PACRG: variants seen among roughly 807,000 people sequenced by gnomAD.
The protein encoded by PACRG is parkin coregulated gene protein.
PACRG carries 29 observed loss-of-function variants against 29.7 expected under a neutral mutation model. The ratio of observed to expected loss-of-function variants is 0.98; its 90% confidence interval spans 0.73 to 1.33. The LOEUF (loss-of-function observed/expected upper bound fraction) is 1.33, where lower values mean the gene tolerates loss of function less well. Ranked by LOEUF, PACRG falls within the 40% of genes most tolerant of loss-of-function variation. The pLI is 0.00. For missense variants in PACRG, 279 were observed against 316.2 expected (o/e 0.88, Z 0.89); for synonymous variants, 116 against 118.7 (o/e 0.98, Z 0.15).
chr6:163,198,399 C>T (rs1288163969), intron 4 of PACRG, among the ~76,000 whole-genome samples: 1 of 152,186 alleles, frequency 6.6e-6, no homozygotes, highest in Non-Finnish European at 1.5e-5. Context: ...GCACCATCTC[C>T]ATACTGCTTA....
At position 163,304,775 on chromosome 6, in the gene PACRG, G is replaced by C. The variant is rs115652686; in HGVS notation, c.614-10052G>C. The stretch of plus-strand genomic sequence containing the variant: ...GAAATCCAGCCTGAGTGAAGCAGGA[G>C]GTCCCACTGTGGAGGAGAATGCAAG... On this transcript the variant is annotated intron_variant, in intron 4 of 4. Transcript: ENST00000366888. Among the ~76,000 whole-genome samples, 304 of 152,328 alleles carry C rather than the reference G, an allele frequency of 2.0e-3. 2 individuals are homozygous for C. The highest frequency in any genetic ancestry group is 7.1e-3 in the African/African-American group (294 of 41,576).
At chr6:162,953,497 A>G (rs891685269) in intron 2 of PACRG, among the ~76,000 whole-genome samples, 1 of 152,196 alleles carries the variant, frequency 6.6e-6, no homozygotes, top group African/African-American at 2.4e-5. Context: ...AAAGCAATAC[A>G]TTTTATCTAG....
At chr6:162,886,986 C>T (rs1026030151) in intron 2 of PACRG, among the ~76,000 whole-genome samples, 1 of 152,178 alleles carries the variant, frequency 6.6e-6, no homozygotes, top group African/African-American at 2.4e-5. Flanking sequence ...CAGCTCACTG[C>T]AACCTCTGCC....
intron 4 of PACRG, among the ~76,000 whole-genome samples, chr6:163,295,542 T>C (rs1355472370): frequency 6.6e-6 from 1 of 152,222 alleles, no homozygotes; most frequent in Non-Finnish European, 1.5e-5. Context: ...CTTGAATTGA[T>C]CTTATTACGG....
intron 2 of PACRG, among the ~76,000 whole-genome samples, chr6:163,011,053 A>C (rs921940778): frequency 1.3e-5 from 2 of 152,050 alleles, no homozygotes; most frequent in Non-Finnish European, 2.9e-5. Flanking sequence ...CAGATTTATC[A>C]ATCAGGTGAA....
intron 4 of PACRG, among the ~76,000 whole-genome samples, chr6:163,269,239 G>T (rs762995927): frequency 6.6e-6 from 1 of 152,170 alleles, no homozygotes; most frequent in Non-Finnish European, 1.5e-5. Context: ...GGTAACACAT[G>T]CTTAGTTTCT....
intron 4 of PACRG, chr6:163,165,501 T>C (rs1186420236): frequency 6.6e-6 from 1 of 152,376 alleles, no homozygotes; most frequent in African/African-American, 2.4e-5. Context: ...GAGGAACCAG[T>C]ACCAAGAATA....
At chr6:163,215,971 C>A (rs1463162933) in intron 4 of PACRG, among the ~76,000 whole-genome samples, 1 of 152,194 alleles carries the variant, frequency 6.6e-6, no homozygotes, top group Non-Finnish European at 1.5e-5. Context: ...GTAAAGTGCA[C>A]TGAAGGTCAG....
At position 162,980,583 on chromosome 6, in the gene PACRG, C is replaced by T. The variant is rs552544858; in HGVS notation, c.292-81567C>T. Reference sequence around the variant, plus strand: ...AAGTATGTTTTTACATTAATATTCTCCATTTAAGAAACATCCTATGGAGTA... The same window carrying T: ...AAGTATGTTTTTACATTAATATTCTTCATTTAAGAAACATCCTATGGAGTA... On this transcript the variant is annotated intron_variant, in intron 2 of 4. Transcript: ENST00000366888. Among the ~76,000 whole-genome samples the T allele has an allele frequency of 8.5e-5, 13 of 152,126 alleles. No homozygotes were observed. The South Asian group carries it at 2.5e-3, about 29-fold the overall frequency.
chr6:163,086,592 T>G (rs538810132), intron 3 of PACRG, among the ~76,000 whole-genome samples: 1 of 152,272 alleles, frequency 6.6e-6, no homozygotes, highest in East Asian at 1.9e-4. Flanking sequence ...TAGGGGGCTC[T>G]GAAGTGTTTT....
intron 4 of PACRG, among the ~76,000 whole-genome samples, chr6:163,289,874 T>TTTCACTC (rs1784527667): frequency 6.6e-6 from 1 of 151,430 alleles, no homozygotes; most frequent in African/African-American, 2.4e-5. Context: ...TGAGGTGGAG[T>TTTCACTC]TTCACTCTTG....
intron 1 of PACRG, among the ~76,000 whole-genome samples, chr6:162,740,641 C>G (rs1562549060): frequency 6.6e-6 from 1 of 150,516 alleles, no homozygotes; most frequent in Non-Finnish European, 1.5e-5. Flanking sequence ...GCTCAGCCAC[C>G]CAGGCTGGAG....
At position 163,282,137 on chromosome 6, in the gene PACRG, C is replaced by T. The variant is rs1784245588; in HGVS notation, c.614-32690C>T. Among the ~76,000 whole-genome samples the T allele has an allele frequency of 2.0e-5, 3 of 151,960 alleles. 1 individual carries two copies. The South Asian group carries it at 6.2e-4, about 32-fold the overall frequency. ...ATAATATTAAGACATTTAAAGTAAG[C>T]CACCAGAGAAGAAAAATTTCACCAT... is the stretch of plus-strand genomic sequence containing the variant. On this transcript the variant is annotated intron_variant, in intron 4 of 4. Transcript: ENST00000366888.
intron 4 of PACRG, among the ~76,000 whole-genome samples, chr6:163,091,817 C>T (rs1023804562): frequency 1.1e-4 from 17 of 152,096 alleles, no homozygotes; most frequent in Admixed American, 1.1e-3. Flanking sequence ...TTTAAGAAAG[C>T]CTGCTTTATG....
At position 162,835,994 on chromosome 6, in the gene PACRG, C is replaced by T. The variant is rs190573310; in HGVS notation, c.291+21713C>T. ...CCTTTGTTTTGGTCAGTTTTCCGTC[C>T]CACATCCTGTTCTGTCTTCTTTTGC... On this transcript the variant is annotated intron_variant, in intron 2 of 4. Coordinates refer to ENST00000366888, the MANE Select transcript of PACRG (RefSeq NM_001080379.2). 3.2e-3 allele frequency among the ~76,000 whole-genome samples: 485 copies of T among 152,166 alleles called. 3 individuals carry two copies. Among genetic ancestry groups the T allele is most frequent in the African/African-American group, 0.011 (470 of 41,526 alleles).
rs1448650378 is a variant in PACRG at position 163,055,909 on chromosome 6, G to T, written c.292-6241G>T. Among the ~76,000 whole-genome samples, 1 of 152,038 alleles carries T rather than the reference G, an allele frequency of 6.6e-6. No homozygotes were observed. Among genetic ancestry groups the T allele is most frequent in the African/African-American group, 2.4e-5 (1 of 41,392 alleles). On this transcript the variant is annotated intron_variant, in intron 2 of 4. Transcript: ENST00000366888. The surrounding 1 kb of genome is among the most constrained non-coding windows in gnomAD (Gnocchi z 4.0). ...TCTCTTGGATTTGTCTATTCCGAAC[G>T]TTTCATAGAAATGGAATCGTACAGT...
upstream of PACRG, chr6:162,727,887 C>T (rs111721255): frequency 1.8e-4 from 107 of 595,516 alleles, 2 homozygotes; most frequent in South Asian, 7.5e-4. Flanking sequence ...CTGCCCCCAG[C>T]CCCCCACCGC....
chr6:163,073,267 T>A (rs1812242120), intron 3 of PACRG, among the ~76,000 whole-genome samples: 1 of 151,944 alleles, frequency 6.6e-6, no homozygotes, highest in Non-Finnish European at 1.5e-5. Context: ...AAGAGAGAAG[T>A]CAGAAATAAG....
chr6:162,811,017 G>C (rs1786816318), intron 1 of PACRG, among the ~76,000 whole-genome samples: 1 of 152,038 alleles, frequency 6.6e-6, no homozygotes, highest in African/African-American at 2.4e-5. Flanking sequence ...GAAAATTAAA[G>C]ACAGAGAAAA....
Sources: gnomAD v4.1 joint callset for allele counts (sites outside exome capture counted in the v4.1 genomes callset) on GRCh38, gnomAD v4.1.1 for gene constraint, Gnocchi (gnomAD v3.1) non-coding constraint, MANE v1.5 for transcripts, NCBI Gene and HGNC (gene_info 2026-07-23, HGNC 2026-07-21) for gene names.